TACC2: variants seen among roughly 807,000 people sequenced by gnomAD.
The protein encoded by TACC2 is transforming acidic coiled-coil containing protein 2, also known as transforming acidic coiled-coil-containing protein 2.
TACC2 carries 137 observed loss-of-function variants against 227.3 expected under a neutral mutation model. The observed-to-expected ratio is 0.60, with a 90% confidence interval of 0.52 to 0.69. TACC2 has a LOEUF of 0.69. Among genes scored for constraint, TACC2 ranks in the 30% least tolerant of loss-of-function variants. The pLI, the probability that TACC2 is intolerant of heterozygous loss-of-function variation, is 0.00. For missense variants in TACC2, 3,470 were observed against 3,694.4 expected, an observed-to-expected ratio of 0.94 and a Z score of 1.57; for synonymous variants, 1,523 against 1,487.5, an observed-to-expected ratio of 1.02 and a Z score of -0.55.
chr10:122,061,367 G>A (rs555517060), intron 3 of TACC2, among the ~76,000 whole-genome samples: 1 of 152,068 alleles, frequency 6.6e-6, no homozygotes, highest in Non-Finnish European at 1.5e-5. Flanking sequence ...TGGGCAGGTG[G>A]GACCATATGC....
At position 122,086,864 on chromosome 10, in the gene TACC2, C is replaced by T. The variant is rs2080146915; in HGVS notation, c.4364C>T (p.Pro1455Leu). 1.2e-6 allele frequency: 2 copies of T among 1,613,978 alleles called. No individual in the cohort carries two copies. Among genetic ancestry groups the T allele is most frequent in the Non-Finnish European group, 1.7e-6 (2 of 1,179,996 alleles). The change falls in exon 4 of 23, where the codon CCT becomes CTT. Residue 1455 changes from proline (P) to leucine (L), a missense_variant. By Grantham distance (98) the Pro-to-Leu change is moderately conservative. Around this residue, in one of 10 missense-constraint regions of TACC2, gnomAD observed 1,924 missense variants for 1,978.3 expected, o/e 0.97. Transcript: ENST00000369005. ...GGCCCAGAGAAGCTTCTAGATGGGC[C>T]TCCAGGAGTGGATGTCACCCTTCTC... is the stretch of plus-strand genomic sequence containing the variant. Reference protein sequence around the residue: ...PLGPEKLLDGPPGVDVTLLPA... With the variant: ...PLGPEKLLDGLPGVDVTLLPA...
chr10:122,206,495 G>A (rs972990957), intron 8 of TACC2, among the ~76,000 whole-genome samples: 2 of 152,234 alleles, frequency 1.3e-5, no homozygotes, highest in Admixed American at 6.5e-5. Flanking sequence ...GAGACCAGGA[G>A]TGTGCAGAGA....
At chr10:122,027,449 T>A in intron 2 of TACC2, among the ~76,000 whole-genome samples, 1 of 152,166 alleles carries the variant, frequency 6.6e-6, no homozygotes, top group East Asian at 1.9e-4. Context: ...TATTTTTTTT[T>A]AACCTACGAA....
chr10:122,224,651 T>C, intron 11 of TACC2, 75 bp from the exon 12 acceptor site: 1 of 1,371,542 alleles, frequency 7.3e-7, no homozygotes, highest in Non-Finnish European at 1.0e-6. Context: ...CTGGCTCAGA[T>C]CTTCCCATTT....
intron 2 of TACC2, among the ~76,000 whole-genome samples, chr10:122,035,995 T>C (rs1356107255): frequency 6.6e-6 from 1 of 152,188 alleles, no homozygotes; most frequent in Non-Finnish European, 1.5e-5. Context: ...CTCTGTGAAT[T>C]AAACTACTGT....
intron 8 of TACC2, among the ~76,000 whole-genome samples, chr10:122,200,006 T>G (rs1371279673): frequency 6.6e-6 from 1 of 152,140 alleles, no homozygotes; most frequent in Non-Finnish European, 1.5e-5. Context: ...GATTTCAACA[T>G]AGGAATTTCG....
chr10:122,203,481 C>A (rs570925866), intron 8 of TACC2, among the ~76,000 whole-genome samples: 1 of 150,344 alleles, frequency 6.7e-6, no homozygotes, highest in South Asian at 2.1e-4. Context: ...ACTTCCCAGA[C>A]GGGGCGGCTG....
chr10:122,113,779 A>G (rs2084096594), intron 5 of TACC2, among the ~76,000 whole-genome samples: 2 of 152,374 alleles, frequency 1.3e-5, no homozygotes, highest in South Asian at 2.1e-4. Context: ...TTACGTCAGC[A>G]GGGCCGAGCG....
Position 122,249,446 on chromosome 10 carries a change from G to A in TACC2, c.8661-98G>A, listed in dbSNP as rs149371695. 1.2e-3 allele frequency: 1,874 copies of A among 1,522,706 alleles called. 2 individuals carry two copies. The highest frequency in any genetic ancestry group is 1.6e-3 in the Non-Finnish European group (1,737 of 1,120,120). 94.3% of individuals were successfully genotyped at this position (1,522,706 alleles called of 1,614,324 possible). A position where few individuals can be genotyped will look rare whatever the true frequency, so the allele number is the denominator to read the frequency against. On this transcript the variant is annotated intron_variant, in intron 21 of 22. Transcript: ENST00000369005. ...CCAGCTCCAGTTGGTGGCAGCTGGGGCCAGACCAGGCCACTCTCCCTGCCT... is the reference window on the plus strand; with the variant it reads ...CCAGCTCCAGTTGGTGGCAGCTGGGACCAGACCAGGCCACTCTCCCTGCCT...
chr10:122,065,161 A>C (rs1349825739), intron 3 of TACC2, among the ~76,000 whole-genome samples: 1 of 152,220 alleles, frequency 6.6e-6, no homozygotes, highest in African/African-American at 2.4e-5. Flanking sequence ...TGTACAGTTC[A>C]GTAGTATTAG....
chr10:122,043,766 G>C (rs1254631240), intron 2 of TACC2, among the ~76,000 whole-genome samples: 2 of 152,160 alleles, frequency 1.3e-5, no homozygotes, highest in East Asian at 3.9e-4. Context: ...TTTTAGTAGA[G>C]ATGAGGTTTC....
At chr10:122,207,316 A>C (rs1279838222) in intron 8 of TACC2, among the ~76,000 whole-genome samples, 1 of 151,736 alleles carries the variant, frequency 6.6e-6, no homozygotes, top group Non-Finnish European at 1.5e-5. Flanking sequence ...AAAATGCAGT[A>C]GGCGAGCAGG....
At chr10:122,038,894 G>A (rs906023978) in intron 2 of TACC2, among the ~76,000 whole-genome samples, 3 of 152,176 alleles carry the variant, frequency 2.0e-5, no homozygotes, top group African/African-American at 7.2e-5. Flanking sequence ...GGGACATTGA[G>A]TTTTGCAGGT....
chr10:122,107,497 G>A (rs542001805), intron 5 of TACC2, among the ~76,000 whole-genome samples: 1 of 152,210 alleles, frequency 6.6e-6, no homozygotes, highest in South Asian at 2.1e-4. Context: ...GCTGAGAAAG[G>A]AGAATCGCTT....
At chr10:122,208,415 T>C (rs2095197449) in intron 8 of TACC2, among the ~76,000 whole-genome samples, 1 of 152,192 alleles carries the variant, frequency 6.6e-6, no homozygotes, top group Non-Finnish European at 1.5e-5. Flanking sequence ...GAGCAAAGCT[T>C]GGTAAGCACT....
intron 7 of TACC2, among the ~76,000 whole-genome samples, chr10:122,165,760 C>G (rs2093125139): frequency 6.6e-6 from 1 of 152,170 alleles, no homozygotes; most frequent in African/African-American, 2.4e-5. Flanking sequence ...TATATTCACT[C>G]ATTCACAAAA....
chr10:122,072,278 C>T (rs948840326), intron 3 of TACC2, among the ~76,000 whole-genome samples: 8 of 152,162 alleles, frequency 5.3e-5, no homozygotes, highest in African/African-American at 1.9e-4. Flanking sequence ...TTAGAATCTA[C>T]ACATATTTTT....
At chr10:122,048,901 A>G (rs2075358372) in intron 2 of TACC2, among the ~76,000 whole-genome samples, 1 of 152,230 alleles carries the variant, frequency 6.6e-6, no homozygotes. Flanking sequence ...TACATAAACA[A>G]AGAGTCCTGT....
chr10:122,047,118 G>A (rs1033335836), intron 2 of TACC2, among the ~76,000 whole-genome samples: 8 of 150,774 alleles, frequency 5.3e-5, no homozygotes, highest in African/African-American at 1.2e-4. Flanking sequence ...GTGAAACCCC[G>A]TCTCTACTAA....
Sources: gnomAD v4.1 joint callset for allele counts (sites outside exome capture counted in the v4.1 genomes callset) on GRCh38, gnomAD v4.1.1 for gene constraint, gnomAD v4.1.1 regional missense constraint, MANE v1.5 for transcripts, NCBI Gene and HGNC (gene_info 2026-07-23, HGNC 2026-07-21) for gene names.